Variants in ZNF638 observed in about 807,000 individuals in gnomAD.
ZNF638 encodes zinc finger protein 638.
Under a neutral mutation model 195.6 loss-of-function variants are expected in ZNF638, and 46 were observed. The observed-to-expected ratio is 0.24, with a 90% confidence interval of 0.19 to 0.30. ZNF638 has a LOEUF of 0.30. Among genes scored for constraint, ZNF638 ranks in the 10% least tolerant of loss-of-function variants. The pLI, the probability that ZNF638 is intolerant of heterozygous loss-of-function variation, is 1.00. For missense variants in ZNF638, 2,440 were observed against 2,325.3 expected (o/e 1.05, Z -1.01); for synonymous variants, 845 against 772.0 (o/e 1.09, Z -1.57).
intron 10 of ZNF638, among the ~76,000 whole-genome samples, chr2:71,385,695 G>C (rs1480665028): frequency 6.6e-6 from 1 of 152,182 alleles, no homozygotes; most frequent in Non-Finnish European, 1.5e-5. Context: ...TTTTCTGTCT[G>C]TGATACTGTA....
intron 3 of ZNF638, among the ~76,000 whole-genome samples, chr2:71,356,805 T>C (rs1357750387): frequency 1.3e-5 from 2 of 151,924 alleles, no homozygotes. Context: ...TTTTTTTTTT[T>C]TAAGTAAGAA....
intron 8 of ZNF638, chr2:71,379,957 G>C (rs2542520): frequency 0.16 from 41,102 of 252,200 alleles, 4,400 homozygotes; most frequent in East Asian, 0.54. Context: ...ATAGGGTTCA[G>C]CACGAGCACG....
chr2:71,366,947 T>C (rs943187700), intron 6 of ZNF638, among the ~76,000 whole-genome samples: 2 of 152,144 alleles, frequency 1.3e-5, no homozygotes, highest in African/African-American at 2.4e-5. Flanking sequence ...ATATCAAATA[T>C]TTTGTATATT....
chr2:71,363,821 T>G, intron 4 of ZNF638, 133 bp from the exon 5 acceptor site: 1 of 1,159,086 alleles, frequency 8.6e-7, no homozygotes, highest in Non-Finnish European at 1.2e-6. Context: ...AGATTTTTGT[T>G]TTAAGTACAT....
intron 19 of ZNF638, among the ~76,000 whole-genome samples, chr2:71,406,633 A>G (rs780857660): frequency 1.3e-5 from 2 of 152,194 alleles, no homozygotes; most frequent in Non-Finnish European, 2.9e-5. Context: ...GTATTACCCA[A>G]TATTTCTTTA....
chr2:71,367,593 C>T (rs2079224602), intron 6 of ZNF638, among the ~76,000 whole-genome samples: 1 of 152,010 alleles, frequency 6.6e-6, no homozygotes, highest in African/African-American at 2.4e-5. Context: ...GCGTGTGCCA[C>T]CACGCCTGGC....
intron 8 of ZNF638, among the ~76,000 whole-genome samples, chr2:71,378,210 T>C (rs1558854567): frequency 2.0e-5 from 3 of 152,150 alleles, no homozygotes; most frequent in African/African-American, 4.8e-5. Flanking sequence ...ATAATTTTCG[T>C]GTGAAATGTA....
chr2:71,373,323 T>C (rs952341825), intron 8 of ZNF638, among the ~76,000 whole-genome samples: 2 of 152,248 alleles, frequency 1.3e-5, no homozygotes, highest in African/African-American at 4.8e-5. Context: ...TTTAAAAATA[T>C]TCATTTGAAG....
At chr2:71,348,253 T>C (rs2078885109) in intron 1 of ZNF638, among the ~76,000 whole-genome samples, 1 of 152,234 alleles carries the variant, frequency 6.6e-6, no homozygotes, top group Non-Finnish European at 1.5e-5. Context: ...TGTAGTTTAA[T>C]TGCCCTATGG....
chr2:71,421,569 G>T (rs1211866108), intron 21 of ZNF638, among the ~76,000 whole-genome samples: 1 of 152,076 alleles, frequency 6.6e-6, no homozygotes, highest in Non-Finnish European at 1.5e-5. Context: ...CTTAAATATG[G>T]TTAACATCTC....
chr2:71,382,823 GT>G (rs1292581480), intron 10 of ZNF638, among the ~76,000 whole-genome samples: 1 of 152,174 alleles, frequency 6.6e-6, no homozygotes, highest in Non-Finnish European at 1.5e-5. Flanking sequence ...TGCAGGATTA[GT>G]TTGTTTTAAA....
At position 71,364,022 on chromosome 2, in the gene ZNF638, C is replaced by G. The variant is rs1187535901; in HGVS notation, c.1487C>G (p.Ser496Cys). ...RRSHSPSPRR[S>C]RRSSSSHRFR... is the part of the protein sequence containing the mutation. Reference sequence around the variant, plus strand: ...TCTCATTCCCCCAGTCCTAGGCGTTCTAGAAGATCAAGCTCAAGTCACAGA... The same window carrying G: ...TCTCATTCCCCCAGTCCTAGGCGTTGTAGAAGATCAAGCTCAAGTCACAGA... The change falls in exon 5 of 28, where the codon TCT (serine) becomes TGT (cysteine). Residue 496 changes from serine (S) to cysteine (C), a missense_variant. By Grantham distance (112) the Ser-to-Cys change is moderately radical. Transcript: ENST00000264447. 6.2e-7 allele frequency: 1 copy of G among 1,614,076 alleles called. No individual in the cohort carries two copies. Among genetic ancestry groups the G allele is most frequent in the African/African-American group, 1.3e-5 (1 of 74,926 alleles).
At chr2:71,366,215 C>G (rs368742423) in intron 6 of ZNF638, among the ~76,000 whole-genome samples, 3 of 151,792 alleles carry the variant, frequency 2.0e-5, no homozygotes, top group African/African-American at 7.3e-5. Context: ...CTGGGGGTAG[C>G]GGCGGGTGCC....
At chr2:71,362,156 T>G (rs1434419413) in intron 3 of ZNF638, among the ~76,000 whole-genome samples, 6 of 152,200 alleles carry the variant, frequency 3.9e-5, no homozygotes, top group Non-Finnish European at 8.8e-5. Flanking sequence ...TATTACTGTT[T>G]CTCCTACTAG....
chr2:71,332,745 C>G (rs753440769), intron 1 of ZNF638: 1 of 152,124 alleles, frequency 6.6e-6, no homozygotes, highest in Non-Finnish European at 1.5e-5. Context: ...ATGAGGGATA[C>G]TTCAGTATTA....
intron 17 of ZNF638, among the ~76,000 whole-genome samples, chr2:71,405,256 A>G (rs539118477): frequency 6.6e-6 from 1 of 152,104 alleles, no homozygotes; most frequent in Admixed American, 6.5e-5. Context: ...CTCATCTCCT[A>G]CTTTGCTTAG....
chr2:71,351,655 G>C (rs1230305684), intron 2 of ZNF638, among the ~76,000 whole-genome samples: 1 of 152,094 alleles, frequency 6.6e-6, no homozygotes, highest in Non-Finnish European at 1.5e-5. Flanking sequence ...GAGTAGAAAA[G>C]GTGTACATTT....
chr2:71,344,497 A>G (rs925048589), intron 1 of ZNF638, among the ~76,000 whole-genome samples: 2 of 140,744 alleles, frequency 1.4e-5, no homozygotes, highest in African/African-American at 5.1e-5. Context: ...TGTTAGCTAT[A>G]TGAAGGAGAG....
At chr2:71,337,963 T>C (rs148766438) in intron 1 of ZNF638, among the ~76,000 whole-genome samples, 2 of 152,374 alleles carry the variant, frequency 1.3e-5, no homozygotes, top group Non-Finnish European at 2.9e-5. Flanking sequence ...ATTTTGGATT[T>C]ATCTGATGTT....
Sources: gnomAD v4.1 joint callset for allele counts (sites outside exome capture counted in the v4.1 genomes callset) on GRCh38, gnomAD v4.1.1 for gene constraint, MANE v1.5 for transcripts, NCBI Gene and HGNC (gene_info 2026-07-23, HGNC 2026-07-21) for gene names.